PTPRD: variants seen among roughly 807,000 people sequenced by gnomAD.
The protein encoded by PTPRD is receptor-type tyrosine-protein phosphatase delta.
PTPRD carries 34 observed loss-of-function variants against 214.5 expected under a neutral mutation model. The observed-to-expected ratio is 0.16, with a 90% CI of 0.12 to 0.21. The LOEUF is 0.21. Among genes scored for constraint, PTPRD ranks in the 10% least tolerant of loss-of-function variants. The pLI is 1.00. For synonymous variants in PTPRD, 1,128 were observed against 845.7 expected (o/e 1.33, Z -5.79); for missense variants, 2,545 against 2,398.7 (o/e 1.06, Z -1.27).
intron 3 of PTPRD, among the ~76,000 whole-genome samples, chr9:10,144,971 T>C (rs1564108247): frequency 1.3e-5 from 2 of 151,812 alleles, no homozygotes; most frequent in Admixed American, 6.6e-5. Flanking sequence ...GGCCCACCTC[T>C]GGAAAAACTG....
chr9:10,225,645 G>A (rs1472524061), intron 3 of PTPRD, among the ~76,000 whole-genome samples: 1 of 152,026 alleles, frequency 6.6e-6, no homozygotes, highest in Non-Finnish European at 1.5e-5. Flanking sequence ...TTGCAAAAGT[G>A]TTGGAATATG....
At chr9:9,106,792 A>G (rs889030271) in intron 10 of PTPRD, among the ~76,000 whole-genome samples, 1 of 152,084 alleles carries the variant, frequency 6.6e-6, no homozygotes, top group African/African-American at 2.4e-5. Context: ...TTTTTTAATG[A>G]AATCTATCCC....
chr9:9,675,880 T>C (rs987344487), intron 7 of PTPRD, among the ~76,000 whole-genome samples: 2 of 152,022 alleles, frequency 1.3e-5, no homozygotes, highest in Non-Finnish European at 2.9e-5. Context: ...GAAAAAGTTA[T>C]ACCCAATCTC....
At chr9:9,109,417 T>A (rs1051852406) in intron 10 of PTPRD, among the ~76,000 whole-genome samples, 10 of 152,132 alleles carry the variant, frequency 6.6e-5, no homozygotes, top group African/African-American at 2.4e-4. Context: ...AACTGTTTGA[T>A]CTTGAATAAG....
At chr9:8,590,282 G>A (rs1241761042) in intron 14 of PTPRD, among the ~76,000 whole-genome samples, 1 of 152,060 alleles carries the variant, frequency 6.6e-6, no homozygotes, top group East Asian at 1.9e-4. Flanking sequence ...GCTCTGCGGA[G>A]GTAATATAAG....
At chr9:8,629,685 T>G (rs1181167759) in intron 14 of PTPRD, among the ~76,000 whole-genome samples, 1 of 151,798 alleles carries the variant, frequency 6.6e-6, no homozygotes, top group Non-Finnish European at 1.5e-5. Flanking sequence ...CTCAGCCTCC[T>G]AAAGTGTTGT....
chr9:10,402,527 T>A (rs2098286393), intron 2 of PTPRD, among the ~76,000 whole-genome samples: 2 of 151,734 alleles, frequency 1.3e-5, no homozygotes, highest in African/African-American at 4.8e-5. Flanking sequence ...AAAAACATCT[T>A]GTGGTAAAAG....
At chr9:9,624,178 T>C (rs918420383) in intron 7 of PTPRD, among the ~76,000 whole-genome samples, 1 of 152,154 alleles carries the variant, frequency 6.6e-6, no homozygotes, top group Non-Finnish European at 1.5e-5. Flanking sequence ...TCATCTTACA[T>C]TGTATTATTT....
At chr9:9,789,023 T>G (rs1445002071) in intron 5 of PTPRD, among the ~76,000 whole-genome samples, 1 of 152,210 alleles carries the variant, frequency 6.6e-6, no homozygotes, top group East Asian at 1.9e-4. Flanking sequence ...TCATCACCTA[T>G]CAGCCTACCT....
chr9:9,397,126 A>T (rs1031634639), intron 9 of PTPRD, among the ~76,000 whole-genome samples: 2 of 152,036 alleles, frequency 1.3e-5, no homozygotes, highest in Admixed American at 6.6e-5. Flanking sequence ...TCAATCTAAA[A>T]ACTATAAAGT....
chr9:10,522,852 AGAAAT>A (rs2052812816), intron 2 of PTPRD, among the ~76,000 whole-genome samples: 2 of 152,230 alleles, frequency 1.3e-5, no homozygotes, highest in Non-Finnish European at 2.9e-5. Flanking sequence ...ATGCATAAAT[AGAAAT>A]ATTAATTATT....
chr9:9,515,555 T>G (rs527651031), intron 8 of PTPRD, among the ~76,000 whole-genome samples: 4 of 152,228 alleles, frequency 2.6e-5, no homozygotes, highest in Admixed American at 1.3e-4. Flanking sequence ...GGAAAAATTG[T>G]TCTTTTCTCG....
chr9:9,495,387 T>G (rs147400336), intron 8 of PTPRD, among the ~76,000 whole-genome samples: 1 of 151,394 alleles, frequency 6.6e-6, no homozygotes, highest in Non-Finnish European at 1.5e-5. Flanking sequence ...AAGTGAGAAC[T>G]TCTATTCCTG....
chr9:10,086,759 AC>A (rs2085401970), intron 3 of PTPRD, among the ~76,000 whole-genome samples: 1 of 151,802 alleles, frequency 6.6e-6, no homozygotes, highest in Non-Finnish European at 1.5e-5. Context: ...AAATGCAAAC[AC>A]AACTTCGCTG....
intron 3 of PTPRD, among the ~76,000 whole-genome samples, chr9:10,149,627 A>G (rs1166800593): frequency 6.6e-6 from 1 of 152,202 alleles, no homozygotes; most frequent in Admixed American, 6.5e-5. Context: ...GACCCAGGCC[A>G]TGCAGCCAGA....
chr9:8,514,955 C>G (rs1270033048), intron 21 of PTPRD, among the ~76,000 whole-genome samples: 4 of 152,288 alleles, frequency 2.6e-5, no homozygotes, highest in Non-Finnish European at 5.9e-5. Context: ...GCTCTTCTCT[C>G]TCCTGCCACC....
chr9:10,396,860 G>A (rs918472622), intron 2 of PTPRD, among the ~76,000 whole-genome samples: 3 of 151,966 alleles, frequency 2.0e-5, no homozygotes, highest in Non-Finnish European at 4.4e-5. Flanking sequence ...ATAGATTGAA[G>A]GGAGCTGTGA....
At chr9:10,464,500 A>T (rs1566234480) in intron 2 of PTPRD, among the ~76,000 whole-genome samples, 1 of 151,814 alleles carries the variant, frequency 6.6e-6, no homozygotes, top group African/African-American at 2.4e-5. Context: ...GATGAAGATG[A>T]AGATGAAGAT....
At chr9:9,324,833 T>G (rs556144023) in intron 9 of PTPRD, among the ~76,000 whole-genome samples, 7 of 152,220 alleles carry the variant, frequency 4.6e-5, no homozygotes, top group African/African-American at 1.4e-4. Context: ...AGGTCTAACA[T>G]GTAAGTCTTT....
Sources: allele counts gnomAD v4.1 joint callset (sites outside exome capture counted in the v4.1 genomes callset), GRCh38; gene constraint gnomAD v4.1.1; transcripts MANE v1.5; gene names NCBI Gene and HGNC (gene_info 2026-07-23, HGNC 2026-07-21).